CRIM1: variants seen among roughly 807,000 people sequenced by gnomAD.
The protein encoded by CRIM1 is cysteine rich transmembrane BMP regulator 1, also known as cysteine-rich motor neuron 1 protein.
CRIM1 carries 32 observed loss-of-function variants against 116.4 expected under a neutral mutation model. The ratio of observed to expected loss-of-function variants is 0.27; its 90% CI spans 0.21 to 0.37. The LOEUF (loss-of-function observed/expected upper bound fraction) is 0.37. Among genes scored for constraint, CRIM1 ranks in the 10% least tolerant of loss-of-function variants. CRIM1 has a pLI of 1.00. For synonymous variants in CRIM1, 590 were observed against 509.2 expected, an observed-to-expected ratio of 1.16 and a Z score of -2.13; for missense variants, 1,331 against 1,354.8, an observed-to-expected ratio of 0.98 and a Z score of 0.28.
Position 36,520,167 on chromosome 2 carries a change from C to T in CRIM1, c.2207-1925C>T, listed in dbSNP as rs147761070. 4.5e-3 allele frequency among the ~76,000 whole-genome samples: 678 copies of T among 152,330 alleles called. 1 individual carries two copies. The highest frequency in any genetic ancestry group is 7.5e-3 in the Non-Finnish European group (513 of 68,026). On this transcript the variant is annotated intron_variant, in intron 12 of 16. Transcript: ENST00000280527. ...TCTACCTCGGCTCCAGCCCTCACAC[C>T]GTCACTGCCAGCGTATCCTGATGTC... is the stretch of plus-strand genomic sequence containing the variant.
chr2:36,455,325 GT>G (rs527467371), intron 4 of CRIM1, among the ~76,000 whole-genome samples: 8 of 152,208 alleles, frequency 5.3e-5, no homozygotes, highest in Non-Finnish European at 1.2e-4. Flanking sequence ...AACAGGTGTT[GT>G]GTGCTTCTGT....
Position 36,356,448 on chromosome 2 carries a change from G to T in CRIM1, c.156G>T (p.Pro52=). The T allele has an allele frequency of 1.2e-6, 2 of 1,612,214 alleles. No homozygotes were observed. The highest frequency in any genetic ancestry group is 1.7e-6 in the Non-Finnish European group (2 of 1,179,764). ...AGTGCGAGGAGCCCAGGAACTGCCC[G>T]GGGAGCATCGTGCAGGGCGTCTGCG... ...ESKCEEPRNC[P]GSIVQGVCGC... The change falls in exon 1 of 17, where the codon CCG becomes CCT. Residue 52 remains proline, a synonymous_variant. Transcript: ENST00000280527. This position sits in a 1 kb window ranked among gnomAD's most constrained non-coding sequence, Gnocchi z 4.3.
intron 14 of CRIM1, among the ~76,000 whole-genome samples, chr2:36,539,352 C>G (rs1666780674): frequency 6.6e-6 from 1 of 152,102 alleles, no homozygotes; most frequent in South Asian, 2.1e-4. Context: ...GGTGCATGTT[C>G]AGGAGGAGCT....
intron 5 of CRIM1, among the ~76,000 whole-genome samples, chr2:36,473,075 T>A (rs1276910061): frequency 4.6e-5 from 7 of 152,250 alleles, no homozygotes; most frequent in African/African-American, 1.7e-4. Context: ...AAGTTTCATC[T>A]TCATTATCGA....
chr2:36,507,942 T>A (rs1432348434), intron 8 of CRIM1, among the ~76,000 whole-genome samples: 1 of 152,242 alleles, frequency 6.6e-6, no homozygotes, highest in East Asian at 1.9e-4. Flanking sequence ...GTGTTTTTAA[T>A]TCATCTGTTT....
intron 4 of CRIM1, among the ~76,000 whole-genome samples, chr2:36,446,476 C>T (rs1474908443): frequency 6.6e-6 from 1 of 152,186 alleles, no homozygotes; most frequent in African/African-American, 2.4e-5. Flanking sequence ...CTACCTGTGG[C>T]CTTTGTGAGT....
intron 2 of CRIM1, among the ~76,000 whole-genome samples, chr2:36,435,365 A>G: frequency 6.6e-6 from 1 of 152,022 alleles, no homozygotes; most frequent in South Asian, 2.1e-4. Flanking sequence ...AGAGAGAGAC[A>G]GAGAGAGAGA....
intron 2 of CRIM1, among the ~76,000 whole-genome samples, chr2:36,419,581 A>G (rs949451186): frequency 6.6e-6 from 1 of 152,294 alleles, no homozygotes; most frequent in East Asian, 1.9e-4. Context: ...TACTTACCAC[A>G]TTGAAGAGAC....
intron 7 of CRIM1, among the ~76,000 whole-genome samples, chr2:36,495,845 T>C (rs954007659): frequency 6.6e-6 from 1 of 152,138 alleles, no homozygotes; most frequent in African/African-American, 2.4e-5. Flanking sequence ...TTAACAATAA[T>C]GTGAGATTTT....
intron 7 of CRIM1, among the ~76,000 whole-genome samples, chr2:36,491,520 T>C (rs1419174454): frequency 6.6e-6 from 1 of 152,224 alleles, no homozygotes; most frequent in African/African-American, 2.4e-5. Context: ...ATACAGCCTC[T>C]TAGGACAATT....
intron 6 of CRIM1, 40 bp downstream of exon 6, chr2:36,477,111 A>G (rs781358772): frequency 2.3e-5 from 35 of 1,491,906 alleles, no homozygotes; most frequent in Non-Finnish European, 3.1e-5. Flanking sequence ...AGGAGCATAC[A>G]TGGTATAGAG....
At chr2:36,391,657 A>G (rs527702618) in intron 1 of CRIM1, among the ~76,000 whole-genome samples, 26 of 152,324 alleles carry the variant, frequency 1.7e-4, no homozygotes, top group African/African-American at 5.1e-4. Flanking sequence ...TCTTTAGAAC[A>G]GCAGTTCTCA....
At position 36,373,354 on chromosome 2, in the gene CRIM1, G is replaced by A. The variant is rs117423469; in HGVS notation, c.331+16731G>A. Among the ~76,000 whole-genome samples the A allele has an allele frequency of 2.8e-4, 43 of 152,294 alleles. No individual in the cohort carries two copies. The East Asian group carries it at 7.9e-3, about 28-fold the overall frequency. The stretch of plus-strand genomic sequence containing the variant: ...CTTGTAACTGAAAAATAGACTTCCT[G>A]GAAGGAGAGAACCAGAGAAGTGGGT... On this transcript the variant is annotated intron_variant, in intron 1 of 16. Transcript: ENST00000280527.
chr2:36,507,618 C>T (rs969977015), intron 8 of CRIM1, among the ~76,000 whole-genome samples: 2 of 152,210 alleles, frequency 1.3e-5, no homozygotes, highest in Admixed American at 1.3e-4. Flanking sequence ...GAGCATCCCA[C>T]TCCTAGGAGG....
intron 7 of CRIM1, among the ~76,000 whole-genome samples, chr2:36,492,503 A>G (rs960645755): frequency 6.6e-6 from 1 of 151,686 alleles, no homozygotes; most frequent in Non-Finnish European, 1.5e-5. Context: ...CTGCTTTAGT[A>G]GAGTTTTCCC....
At chr2:36,510,990 A>G (rs1664635545) in intron 9 of CRIM1, among the ~76,000 whole-genome samples, 2 of 151,114 alleles carry the variant, frequency 1.3e-5, no homozygotes, top group African/African-American at 4.9e-5. Context: ...CAGTGGCACA[A>G]GCATGGCTCA....
intron 2 of CRIM1, among the ~76,000 whole-genome samples, chr2:36,434,533 A>G (rs1675145919): frequency 6.6e-6 from 1 of 152,168 alleles, no homozygotes; most frequent in South Asian, 2.1e-4. Context: ...CTCTCTCTTC[A>G]TCTGTCAAGT....
chr2:36,402,441 A>AT (rs1242923885), intron 2 of CRIM1, among the ~76,000 whole-genome samples: 1 of 126,336 alleles, frequency 7.9e-6, no homozygotes, highest in Admixed American at 8.5e-5. Context: ...CGTGACCAGA[A>AT]TGGGGGGGAG....
chr2:36,498,013 G>A (rs1047731096), intron 7 of CRIM1, among the ~76,000 whole-genome samples: 1 of 152,174 alleles, frequency 6.6e-6, no homozygotes, highest in Admixed American at 6.5e-5. Flanking sequence ...AGATAAGCCA[G>A]TTACCCTCTC....
Sources: gnomAD v4.1 joint callset for allele counts (sites outside exome capture counted in the v4.1 genomes callset) on GRCh38, gnomAD v4.1.1 for gene constraint, Gnocchi (gnomAD v3.1) non-coding constraint, MANE v1.5 for transcripts, NCBI Gene and HGNC (gene_info 2026-07-23, HGNC 2026-07-21) for gene names.